The following KAZN variants were observed in gnomAD, a reference collection of about 807,000 sequenced individuals.
KAZN encodes the protein kazrin.
A neutral mutation model predicts 87.4 loss-of-function variants in KAZN; 40 were observed. The observed-to-expected ratio is 0.46, with a 90% CI of 0.36 to 0.60. The LOEUF (loss-of-function observed/expected upper bound fraction) is 0.60. Among genes scored for constraint, KAZN ranks in the 20% least tolerant of loss-of-function variants. KAZN has a pLI of 0.00. For synonymous variants in KAZN, 466 were observed against 458.3 expected, an observed-to-expected ratio of 1.02 and a Z score of -0.22; for missense variants, 898 against 1,073.9, an observed-to-expected ratio of 0.84 and a Z score of 2.29.
At chr1:15,007,965 G>A (rs1048391439) in intron 2 of KAZN, among the ~76,000 whole-genome samples, 4 of 152,186 alleles carry the variant, frequency 2.6e-5, no homozygotes, top group Non-Finnish European at 5.9e-5. Flanking sequence ...CGGCCCCTGC[G>A]AGTGGGACTG....
chr1:14,457,058 T>C (rs1667605400), intron 2 of KAZN, among the ~76,000 whole-genome samples: 1 of 152,106 alleles, frequency 6.6e-6, no homozygotes, highest in South Asian at 2.1e-4. Flanking sequence ...CCAGCCTGGG[T>C]GACAGAGCGA....
chr1:14,777,725 A>G (rs1645221712), intron 1 of KAZN, among the ~76,000 whole-genome samples: 1 of 152,158 alleles, frequency 6.6e-6, no homozygotes, highest in Non-Finnish European at 1.5e-5. Flanking sequence ...GAGCTGCTTG[A>G]CCGAGGATAC....
At chr1:14,505,274 G>T (rs1188224079) in intron 2 of KAZN, among the ~76,000 whole-genome samples, 1 of 152,162 alleles carries the variant, frequency 6.6e-6, no homozygotes, top group Non-Finnish European at 1.5e-5. Context: ...TGGCCAGGAG[G>T]GTGGGTCTGA....
chr1:14,209,491 A>G (rs987126090), intron 2 of KAZN, among the ~76,000 whole-genome samples: 1 of 152,210 alleles, frequency 6.6e-6, no homozygotes, highest in African/African-American at 2.4e-5. Context: ...GCCCTTCACA[A>G]ATACTTTTTA....
At chr1:14,988,038 A>T (rs1299222596) in intron 2 of KAZN, among the ~76,000 whole-genome samples, 1 of 152,194 alleles carries the variant, frequency 6.6e-6, no homozygotes, top group Non-Finnish European at 1.5e-5. Context: ...GGTGGGCTTT[A>T]GACAGGGAGT....
At chr1:15,064,703 T>A (rs970112104) in intron 7 of KAZN, among the ~76,000 whole-genome samples, 2 of 152,214 alleles carry the variant, frequency 1.3e-5, no homozygotes, top group African/African-American at 4.8e-5. Flanking sequence ...TACCAAGCCA[T>A]TGCCTTCGGC....
intron 1 of KAZN, among the ~76,000 whole-genome samples, chr1:14,601,417 G>A (rs914010417): frequency 6.6e-6 from 1 of 151,952 alleles, no homozygotes; most frequent in Non-Finnish European, 1.5e-5. Context: ...ACATTATTTA[G>A]CCTCTGTAAG....
chr1:14,442,771 A>G (rs1666772455), intron 2 of KAZN, among the ~76,000 whole-genome samples: 1 of 152,218 alleles, frequency 6.6e-6, no homozygotes, highest in African/African-American at 2.4e-5. Context: ...CTGATTTCAT[A>G]AGTGTCAGTA....
intron 1 of KAZN, among the ~76,000 whole-genome samples, chr1:14,602,718 A>G (rs1557829662): frequency 6.6e-6 from 1 of 152,266 alleles, no homozygotes; most frequent in Non-Finnish European, 1.5e-5. Context: ...TGCTATGCAT[A>G]GAACAAAACA....
At chr1:14,525,338 C>A (rs138265735) in intron 2 of KAZN, among the ~76,000 whole-genome samples, 5 of 152,144 alleles carry the variant, frequency 3.3e-5, no homozygotes, top group Admixed American at 3.3e-4. Flanking sequence ...ACATAAATTA[C>A]CAACTTTTTT....
At chr1:14,414,743 G>A (rs1050353682) in intron 2 of KAZN, among the ~76,000 whole-genome samples, 1 of 152,182 alleles carries the variant, frequency 6.6e-6, no homozygotes, top group Non-Finnish European at 1.5e-5. Context: ...GGAACACAGA[G>A]GCCAGGAGCA....
chr1:14,181,084 T>C (rs1646188048), intron 2 of KAZN, among the ~76,000 whole-genome samples: 1 of 152,232 alleles, frequency 6.6e-6, no homozygotes, highest in Non-Finnish European at 1.5e-5. Context: ...ATTGTTGAGA[T>C]GTTATTCAAG....
Position 14,916,327 on chromosome 1 carries a change from G to C in KAZN, c.227-44357G>C, listed in dbSNP as rs537894339. ...TGGGATTACAGGTGTGTGCCACCAT[G>C]CCCAACTCGTTTTTGTATTTTTAGT... On this transcript the variant is annotated intron_variant, in intron 1 of 14. Transcript: ENST00000376030. 3.3e-5 allele frequency among the ~76,000 whole-genome samples: 5 copies of C among 152,000 alleles called. No homozygotes were observed. In the South Asian group the frequency reaches 1.0e-3, roughly 32 times the overall value.
At chr1:14,095,639 A>G (rs532409081) in intron 1 of KAZN, among the ~76,000 whole-genome samples, 10 of 152,258 alleles carry the variant, frequency 6.6e-5, no homozygotes, top group African/African-American at 2.4e-4. Context: ...CTGAACTAGG[A>G]AAACTCAAAG....
At chr1:15,032,180 C>CTTTTTTTTTTTTCTTTTTT (rs1671785060) in intron 2 of KAZN, among the ~76,000 whole-genome samples, 1 of 82,698 alleles carries the variant, frequency 1.2e-5, no homozygotes, top group Non-Finnish European at 2.3e-5. Context: ...GTGGACATTT[C>CTTTTTTTTTTTTCTTTTTT]TTTTTTTTTT....
intron 2 of KAZN, among the ~76,000 whole-genome samples, chr1:14,228,542 C>A (rs1198806256): frequency 6.6e-6 from 1 of 152,096 alleles, no homozygotes; most frequent in Non-Finnish European, 1.5e-5. Flanking sequence ...CAGGTGGGCA[C>A]AATGATTAGC....
intron 1 of KAZN, among the ~76,000 whole-genome samples, chr1:14,622,462 G>A (rs755190976): frequency 1.3e-5 from 2 of 151,800 alleles, no homozygotes; most frequent in East Asian, 1.9e-4. Context: ...AGGCCGAGGC[G>A]GGCGGATCAC....
chr1:14,420,376 A>G (rs1225388544), intron 2 of KAZN, among the ~76,000 whole-genome samples: 4 of 152,224 alleles, frequency 2.6e-5, no homozygotes, highest in Non-Finnish European at 5.9e-5. Context: ...AGCTAGGCGT[A>G]AATAAATTCT....
intron 2 of KAZN, among the ~76,000 whole-genome samples, chr1:14,489,809 T>C (rs1011292332): frequency 6.9e-6 from 1 of 144,156 alleles, no homozygotes; most frequent in Non-Finnish European, 1.6e-5. Flanking sequence ...CAATCAACAT[T>C]ATTTAAGGAG....
Sources: allele counts gnomAD v4.1 joint callset (sites outside exome capture counted in the v4.1 genomes callset), GRCh38; gene constraint gnomAD v4.1.1; transcripts MANE v1.5; gene names NCBI Gene and HGNC (gene_info 2026-07-23, HGNC 2026-07-21).